Variants in CEP83 observed in about 807,000 individuals in gnomAD.
CEP83 encodes centrosomal protein 83.
CEP83 carries 70 observed loss-of-function variants against 101.9 expected under a neutral mutation model. The ratio of observed to expected loss-of-function variants is 0.69; its 90% CI spans 0.57 to 0.84. The LOEUF (loss-of-function observed/expected upper bound fraction) is 0.84, where lower values mean the gene tolerates loss of function less well. Among genes scored for constraint, CEP83 ranks in the 40% least tolerant of loss-of-function variants. The probability of loss-of-function intolerance (pLI) is 0.00; values close to 1 mark genes in which losing one functional copy is unlikely to be tolerated. For synonymous variants in CEP83, 264 were observed against 267.9 expected, an observed-to-expected ratio of 0.99 and a Z score of 0.14; for missense variants, 715 against 787.2, an observed-to-expected ratio of 0.91 and a Z score of 1.10.
At chr12:94,333,212 T>G (rs1372110096) in intron 13 of CEP83, among the ~76,000 whole-genome samples, 1 of 152,100 alleles carries the variant, frequency 6.6e-6, no homozygotes, top group Non-Finnish European at 1.5e-5. Flanking sequence ...GTTTAATCAA[T>G]GAATAAAAAA....
intron 9 of CEP83, chr12:94,368,403 C>A: frequency 1.9e-6 from 1 of 531,602 alleles, no homozygotes; most frequent in Non-Finnish European, 3.3e-6. Flanking sequence ...GCAAATTTTC[C>A]TGTCACTGTT....
At chr12:94,294,012 A>G in the CEP83 span, among the ~76,000 whole-genome samples, 1 of 152,112 alleles carries the variant, frequency 6.6e-6, no homozygotes, top group Admixed American at 6.5e-5. Context: ...TCCTAATACC[A>G]TCACACTGGG....
the CEP83 span, among the ~76,000 whole-genome samples, chr12:94,278,893 G>T: frequency 6.6e-6 from 1 of 152,118 alleles, no homozygotes; most frequent in Admixed American, 6.6e-5. Flanking sequence ...AGCTACTTGG[G>T]AGGCTGAGGC....
chr12:94,305,178 C>CA (rs762919780), downstream of CEP83: 1 of 1,584,264 alleles, frequency 6.3e-7, no homozygotes, highest in South Asian at 1.1e-5. Flanking sequence ...TAATTGTCAA[C>CA]AGATTCTAAA....
the CEP83 span, among the ~76,000 whole-genome samples, chr12:94,281,531 G>A: frequency 3.3e-5 from 5 of 152,042 alleles, no homozygotes; most frequent in African/African-American, 4.8e-5. Flanking sequence ...TAGACTGTTC[G>A]ATTTTCTTTT....
chr12:94,284,253 G>A, the CEP83 span, among the ~76,000 whole-genome samples: 1 of 152,168 alleles, frequency 6.6e-6, no homozygotes, highest in Non-Finnish European at 1.5e-5. Context: ...TGGCTAATTT[G>A]TTAGTCCTAT....
intron 2 of CEP83, among the ~76,000 whole-genome samples, chr12:94,418,340 G>C (rs2137920088): frequency 6.6e-6 from 1 of 152,206 alleles, no homozygotes; most frequent in East Asian, 1.9e-4. Context: ...CAGCCTGGGT[G>C]ACAGACTGAG....
chr12:94,303,144 C>T (rs1033595927), downstream of CEP83, among the ~76,000 whole-genome samples: 12 of 152,080 alleles, frequency 7.9e-5, no homozygotes, highest in East Asian at 5.8e-4. Context: ...GTTATAATTA[C>T]GTAGAATCAT....
chr12:94,273,507 T>C, the CEP83 span, among the ~76,000 whole-genome samples: 5 of 152,152 alleles, frequency 3.3e-5, no homozygotes, highest in Non-Finnish European at 5.9e-5. Flanking sequence ...TGCTGCCTCC[T>C]CCATGCAGCC....
At chr12:94,273,311 C>T in the CEP83 span, among the ~76,000 whole-genome samples, 1 of 152,174 alleles carries the variant, frequency 6.6e-6, no homozygotes, top group African/African-American at 2.4e-5. Flanking sequence ...GCCTGGGCTA[C>T]AAGTCCTCCA....
the CEP83 span, among the ~76,000 whole-genome samples, chr12:94,289,693 T>C: frequency 6.6e-6 from 1 of 152,210 alleles, no homozygotes; most frequent in South Asian, 2.1e-4. Context: ...CAGCAGCAGC[T>C]GACTTGTGCT....
Position 94,376,696 on chromosome 12 carries a change from C to T in CEP83, c.802-679G>A, listed in dbSNP as rs867656429. ...CATAATATATATACATATATACACA[C>T]ACACACACACACACACACACACACA... On this transcript the variant is annotated intron_variant, in intron 7 of 16. Coordinates refer to ENST00000397809, the MANE Select transcript of CEP83 (RefSeq NM_016122.3). Among the ~76,000 whole-genome samples, 698 of 109,266 alleles carry T rather than the reference C, an allele frequency of 6.4e-3. 6 individuals carry two copies. The highest frequency in any genetic ancestry group is 0.019 in the Admixed American group (198 of 10,580). 71.7% of individuals were successfully genotyped at this position (109,266 alleles called of 152,430 possible). A position where few individuals can be genotyped will look rare whatever the true frequency, so the allele number is the denominator to read the frequency against.
the CEP83 span, among the ~76,000 whole-genome samples, chr12:94,300,017 G>A: frequency 4.6e-5 from 7 of 152,188 alleles, no homozygotes; most frequent in South Asian, 1.2e-3. Context: ...GAGGTAATGA[G>A]CTAGGCCAGA....
intron 6 of CEP83, among the ~76,000 whole-genome samples, chr12:94,392,853 T>C (rs1266095753): frequency 1.3e-5 from 2 of 152,232 alleles, no homozygotes; most frequent in Non-Finnish European, 2.9e-5. Flanking sequence ...GACAGCTCTA[T>C]GCAAATAAAC....
At chr12:94,280,241 GC>G in the CEP83 span, 1 of 162,836 alleles carries the variant, frequency 6.1e-6, no homozygotes, top group Admixed American at 5.9e-5. Flanking sequence ...AGCTAACAGG[GC>G]CCCACTTCCC....
chr12:94,403,183 C>G lies in CEP83; in HGVS notation c.404G>C (p.Arg135Thr), dbSNP rs755300685. The change falls in exon 5 of 17, where the codon AGG becomes ACG. Residue 135 changes from arginine to threonine, a missense_variant. Coordinates refer to ENST00000397809, the MANE Select transcript of CEP83 (RefSeq NM_016122.3). ...TAAGTTACTTACTTCATCTAGATTC[C>G]TAAAACGTTCTCTCATTGGAGTTTC... The part of the protein sequence containing the change: ...ELETPMRERF[R>T]NLDEEVEKYR... 1.3e-6 allele frequency: 2 copies of G among 1,547,560 alleles called. No homozygotes were observed. The highest frequency in any genetic ancestry group is 3.4e-5 in the Admixed American group (2 of 59,330).
rs188347247 is a variant in CEP83 at position 94,380,174 on chromosome 12, C to T, written c.550-1132G>A. Among the ~76,000 whole-genome samples, 153 of 151,816 alleles carry T rather than the reference C, an allele frequency of 1.0e-3. No individual in the cohort carries two copies. In the Middle Eastern group the frequency reaches 0.02, roughly 20 times the overall value. On this transcript the variant is annotated intron_variant, in intron 6 of 16. Coordinates refer to ENST00000397809, the MANE Select transcript of CEP83 (RefSeq NM_016122.3). The stretch of plus-strand genomic sequence containing the variant: ...CCAAGAAACAACTGTTTGATCACAG[C>T]ACTATCAATGAATCTAAAAAGTTTA...
At chr12:94,335,841 A>G in intron 11 of CEP83, 177 bp from the exon 12 acceptor site, 1 of 561,098 alleles carries the variant, frequency 1.8e-6, no homozygotes, top group Non-Finnish European at 3.2e-6. Flanking sequence ...AAAACAAATT[A>G]CTGCTATTGT....
At chr12:94,405,353 T>C (rs1034094980) in intron 4 of CEP83, among the ~76,000 whole-genome samples, 5 of 152,212 alleles carry the variant, frequency 3.3e-5, no homozygotes, top group Non-Finnish European at 7.3e-5. Flanking sequence ...TGATTTGTTA[T>C]AGAGATATAT....
Sources: allele counts gnomAD v4.1 joint callset (sites outside exome capture counted in the v4.1 genomes callset), GRCh38; gene constraint gnomAD v4.1.1; transcripts MANE v1.5; gene names NCBI Gene and HGNC (gene_info 2026-07-23, HGNC 2026-07-21).